Variants in ATP6V1H observed in about 807,000 individuals in gnomAD.
ATP6V1H encodes the protein V-type proton ATPase subunit H.
In ATP6V1H, 39 loss-of-function variants were observed where a neutral mutation model predicts 71.7. The ratio of observed to expected loss-of-function variants is 0.54; its 90% CI spans 0.42 to 0.71. ATP6V1H has a LOEUF of 0.71. ATP6V1H is among the 30% of genes least tolerant of loss of function. The probability of loss-of-function intolerance (pLI) is 0.00; values close to 1 mark genes in which losing one functional copy is unlikely to be tolerated. For missense variants in ATP6V1H, 509 were observed against 594.9 expected (o/e 0.86, Z 1.50); for synonymous variants, 192 against 199.3 (o/e 0.96, Z 0.31).
At chr8:53,772,282 T>C in intron 9 of ATP6V1H, 115 bp from the exon 10 acceptor site, 2 of 822,618 alleles carry the variant, frequency 2.4e-6, no homozygotes, top group Non-Finnish European at 3.7e-6. Context: ...AGTTTAACTA[T>C]CACCTTTAAG....
intron 11 of ATP6V1H, among the ~76,000 whole-genome samples, 153 bp downstream of exon 11, chr8:53,769,464 CA>C (rs2130310690): frequency 6.6e-6 from 1 of 151,998 alleles, no homozygotes; most frequent in East Asian, 1.9e-4. Context: ...TCCAGATGGT[CA>C]AAAGGATATG....
At chr8:53,779,735 C>T (rs896962635) in intron 9 of ATP6V1H, among the ~76,000 whole-genome samples, 3 of 152,090 alleles carry the variant, frequency 2.0e-5, no homozygotes, top group Admixed American at 6.6e-5. Context: ...TTTCGATGGT[C>T]TTTCCCAGTT....
At chr8:53,788,935 G>A (rs982351868) in intron 9 of ATP6V1H, among the ~76,000 whole-genome samples, 7 of 152,334 alleles carry the variant, frequency 4.6e-5, no homozygotes, top group Non-Finnish European at 7.3e-5. Context: ...TAAACACAGT[G>A]ACTTCATCAA....
At chr8:53,758,254 T>C (rs981757431) in intron 11 of ATP6V1H, among the ~76,000 whole-genome samples, 5 of 152,186 alleles carry the variant, frequency 3.3e-5, no homozygotes, top group Non-Finnish European at 5.9e-5. Flanking sequence ...ATAATTTAAA[T>C]ATTAAGAAAT....
chr8:53,765,458 CA>C (rs1380968422), intron 11 of ATP6V1H, among the ~76,000 whole-genome samples: 1 of 8,464 alleles, frequency 1.2e-4, no homozygotes, highest in Non-Finnish European at 1.6e-3. Flanking sequence ...AACAACAACA[CA>C]CACACACACA....
chr8:53,768,945 A>G (rs1184264061), intron 11 of ATP6V1H, among the ~76,000 whole-genome samples: 1 of 152,208 alleles, frequency 6.6e-6, no homozygotes, highest in Non-Finnish European at 1.5e-5. Context: ...TCACTAAAAA[A>G]AGAAAGAAAC....
chr8:53,736,141 T>C (rs983470242), intron 13 of ATP6V1H, among the ~76,000 whole-genome samples: 1 of 152,230 alleles, frequency 6.6e-6, no homozygotes, highest in African/African-American at 2.4e-5. Context: ...CTCAATCTTT[T>C]TCCCAGGTAA....
chr8:53,771,496 C>T (rs1468649949), intron 10 of ATP6V1H, among the ~76,000 whole-genome samples: 1 of 152,014 alleles, frequency 6.6e-6, no homozygotes, highest in African/African-American at 2.4e-5. Context: ...GAGAGTGAGG[C>T]GAGGCAGTGA....
chr8:53,738,963 T>C (rs1437254271), intron 13 of ATP6V1H, among the ~76,000 whole-genome samples: 5 of 152,192 alleles, frequency 3.3e-5, no homozygotes, highest in Non-Finnish European at 5.9e-5. Flanking sequence ...TTATATTTGT[T>C]TTTTTCAAAT....
At chr8:53,782,617 G>A (rs891107097) in intron 9 of ATP6V1H, among the ~76,000 whole-genome samples, 21 of 152,080 alleles carry the variant, frequency 1.4e-4, no homozygotes, top group Non-Finnish European at 1.5e-5. Flanking sequence ...CCTGTCTTGT[G>A]CCAGTTTTCA....
intron 13 of ATP6V1H, among the ~76,000 whole-genome samples, chr8:53,717,720 T>C (rs1806473021): frequency 6.6e-6 from 1 of 152,194 alleles, no homozygotes; most frequent in South Asian, 2.1e-4. Context: ...GTCACACAGA[T>C]TTGTTTTCTT....
At chr8:53,804,687 T>C (rs781048723) in intron 7 of ATP6V1H, among the ~76,000 whole-genome samples, 14 of 151,940 alleles carry the variant, frequency 9.2e-5, no homozygotes, top group Non-Finnish European at 1.6e-4. Context: ...AAAAAGAAAA[T>C]AGCGAGTTAA....
intron 2 of ATP6V1H, among the ~76,000 whole-genome samples, chr8:53,834,582 C>G (rs528667864): frequency 1.3e-5 from 2 of 152,176 alleles, no homozygotes; most frequent in East Asian, 1.9e-4. Context: ...CATGCCACCA[C>G]GCCCAGCTAA....
intron 13 of ATP6V1H, among the ~76,000 whole-genome samples, chr8:53,735,805 A>G (rs1485842704): frequency 1.3e-5 from 2 of 152,206 alleles, no homozygotes; most frequent in African/African-American, 4.8e-5. Context: ...TAGGATCCAT[A>G]TAAGATAGGC....
At chr8:53,717,373 C>T (rs920537157) in intron 13 of ATP6V1H, among the ~76,000 whole-genome samples, 1 of 152,202 alleles carries the variant, frequency 6.6e-6, no homozygotes, top group Non-Finnish European at 1.5e-5. Context: ...CCACTCCCCC[C>T]AATCCAAAGG....
At chr8:53,813,531 C>G (rs1281126226) in intron 6 of ATP6V1H, among the ~76,000 whole-genome samples, 1 of 152,104 alleles carries the variant, frequency 6.6e-6, no homozygotes, top group Non-Finnish European at 1.5e-5. Flanking sequence ...ACCCTCACAT[C>G]AAAATCTCAT....
chr8:53,756,566 T>C lies in ATP6V1H; in HGVS notation c.1266A>G (p.Pro422=), dbSNP rs373169293. The C allele has an allele frequency of 6.2e-7, 1 of 1,613,406 alleles. No individual in the cohort carries two copies. Among genetic ancestry groups the C allele is most frequent in the Non-Finnish European group, 8.5e-7 (1 of 1,179,576 alleles). The stretch of plus-strand genomic sequence containing the variant: ...TGGCTTTCTCTTACCGTTTGCCTCG[T>C]GGATAATGCCGCACATATTCTCCAA... The part of the protein sequence containing the change: ...HDVGEYVRHY[P]RGKRVIEQLG... Residue 422 remains proline (P), a synonymous_variant, in exon 12 of 14, where the codon CCA becomes CCG. Transcript: ENST00000359530.
In ATP6V1H at chr8:53,784,610, T is replaced by C. The variant is rs148620446; in HGVS notation, c.870+11037A>G. Among the ~76,000 whole-genome samples the C allele has an allele frequency of 2.0e-3, 311 of 152,356 alleles. 3 individuals carry two copies. The highest frequency in any genetic ancestry group is 3.2e-4 in the Non-Finnish European group (22 of 68,034). ...GTTAGCTGGTTATTCTGCTCGTTAG[T>C]TGATGCAGTTTCTTCCTAGCAGTGA... On this transcript the variant is annotated intron_variant, in intron 9 of 13. Transcript: ENST00000359530.
chr8:53,829,231 A>G (rs1405898051), intron 4 of ATP6V1H, among the ~76,000 whole-genome samples: 2 of 152,212 alleles, frequency 1.3e-5, no homozygotes, highest in Admixed American at 6.5e-5. Flanking sequence ...CATATTGATT[A>G]CTTGGTGTTC....
Sources: gnomAD v4.1 joint callset for allele counts (sites outside exome capture counted in the v4.1 genomes callset) on GRCh38, gnomAD v4.1.1 for gene constraint, MANE v1.5 for transcripts, NCBI Gene and HGNC (gene_info 2026-07-23, HGNC 2026-07-21) for gene names.